Variants in ADGRG1 observed in about 807,000 individuals in gnomAD.
ADGRG1 encodes the protein 7-transmembrane protein with no EGF-like N-terminal domains-1.
In ADGRG1, 53 loss-of-function variants were observed where a neutral mutation model predicts 73.5. The observed-to-expected ratio is 0.72, with a 90% CI of 0.58 to 0.91. The LOEUF is 0.91. ADGRG1 is among the 40% of genes least tolerant of loss of function. ADGRG1 has a pLI of 0.00. For missense variants in ADGRG1, 795 were observed against 871.8 expected, an observed-to-expected ratio of 0.91 and a Z score of 1.11; for synonymous variants, 394 against 374.4, an observed-to-expected ratio of 1.05 and a Z score of -0.60.
intron 1 of ADGRG1, chr16:57,630,302 GGGTCCT>G: frequency 4.4e-6 from 4 of 905,318 alleles, no homozygotes; most frequent in Non-Finnish European, 5.3e-6. Flanking sequence ...GCCCAGGCAG[GGGTCCT>G]GTTGGGCTCT....
chr16:57,654,082 G>A lies in ADGRG1; in HGVS notation c.717G>A (p.Lys239=). The A allele has an allele frequency of 6.2e-7, 1 of 1,613,940 alleles. No homozygotes were observed. The highest frequency in any genetic ancestry group is 8.5e-7 in the Non-Finnish European group (1 of 1,180,036). ...ACCGGATCAACGCCACGGTGTGGAA[G>A]CTCCAGCCCACAGCCGGCCTCCAGG... ...EEDRINATVW[K]LQPTAGLQDL... The change falls in exon 5 of 14, where the codon AAG becomes AAA. Residue 239 remains lysine (K), a synonymous_variant. Coordinates refer to ENST00000562631, the MANE Select transcript of ADGRG1 (RefSeq NM_201525.4).
At position 57,659,617 on chromosome 16, in the gene ADGRG1, C is replaced by A. The variant is rs369114425; in HGVS notation, c.1491C>A (p.Leu497=). ...MGLEGYNLYR[L]VVEVFGTYVP... is the part of the protein sequence containing the mutation. ...TCGAGGGGTACAACCTCTACCGACT[C>A]GTGGTGGAGGTCTTTGGCACCTATG... The change falls in exon 11 of 14, where the codon CTC becomes CTA. Residue 497 remains leucine, a synonymous_variant. Transcript: ENST00000562631. 6.2e-7 allele frequency: 1 copy of A among 1,613,206 alleles called. No homozygotes were observed. The highest frequency in any genetic ancestry group is 8.5e-7 in the Non-Finnish European group (1 of 1,179,202).
chr16:57,653,534 C>T (rs2044674703), intron 4 of ADGRG1, 199 bp downstream of exon 4: 1 of 985,312 alleles, frequency 1.0e-6, no homozygotes, highest in Non-Finnish European at 1.2e-6. Flanking sequence ...CAGTAACCAA[C>T]ATCACATCCA....
At chr16:57,623,975 C>T, upstream of ADGRG1, 1 of 313,988 alleles carries the variant, frequency 3.2e-6, no homozygotes, top group South Asian at 1.3e-4. Context: ...TAAATGGGAA[C>T]AATCATCACT....
intron 1 of ADGRG1, chr16:57,635,340 A>G (rs1567688246): frequency 5.1e-6 from 5 of 985,134 alleles, no homozygotes; most frequent in Non-Finnish European, 4.8e-6. Context: ...GTGCACACCT[A>G]GGGGACCAGG....
In ADGRG1 at chr16:57,660,770, T is replaced by C. The variant is rs910312537; in HGVS notation, c.1558T>C (p.Phe520Leu). The stretch of plus-strand genomic sequence containing the variant: ...GCAACATGCATTGCCACCCTCAGGC[T>C]TCCCCATCTTTCTGGTGACGCTGGT... The part of the protein sequence containing the change: ...LLKLSAMGWG[F>L]PIFLVTLVAL... Residue 520 changes from phenylalanine (F) to leucine (L), a missense_variant and splice_region_variant, in exon 12 of 14, where the codon TTC becomes CTC. Coordinates refer to ENST00000562631, the MANE Select transcript of ADGRG1 (RefSeq NM_201525.4). 1 of 1,605,216 alleles carries C rather than the reference T, an allele frequency of 6.2e-7. No individual in the cohort carries two copies.
At chr16:57,632,602 G>C (rs1295213061) in intron 1 of ADGRG1, among the ~76,000 whole-genome samples, 1 of 152,164 alleles carries the variant, frequency 6.6e-6, no homozygotes, top group Non-Finnish European at 1.5e-5. Flanking sequence ...GGAGAGCTGC[G>C]GCCACCTGGA....
upstream of ADGRG1, among the ~76,000 whole-genome samples, chr16:57,623,349 A>C (rs1326747026): frequency 6.6e-6 from 1 of 152,232 alleles, no homozygotes; most frequent in Non-Finnish European, 1.5e-5. Flanking sequence ...TTTTGAAACC[A>C]GATGCAGGTT....
chr16:57,659,159 C>G (rs866713693), intron 10 of ADGRG1: 5 of 985,290 alleles, frequency 5.1e-6, no homozygotes. Flanking sequence ...TTGTCTTCCT[C>G]GCTCTGCCTG....
chr16:57,662,066 G>A, intron 13 of ADGRG1, 101 bp downstream of exon 13: 1 of 948,236 alleles, frequency 1.1e-6, no homozygotes, highest in African/African-American at 1.6e-5. Flanking sequence ...CCCTTCTCTG[G>A]GCCTCAGTCA....
intron 1 of ADGRG1, chr16:57,645,220 C>T (rs1245626615): frequency 5.1e-6 from 5 of 985,336 alleles, no homozygotes; most frequent in African/African-American, 1.7e-5. Context: ...GGAGCTAGGG[C>T]AGTGGAAGTT....
chr16:57,649,017 G>C (rs2043360017), intron 1 of ADGRG1, among the ~76,000 whole-genome samples: 1 of 152,224 alleles, frequency 6.6e-6, no homozygotes, highest in African/African-American at 2.4e-5. Context: ...GCAGATGCAG[G>C]GGTGGGATGG....
chr16:57,620,857 C>T (rs145354027), exon 1 of ADGRG1: 1 of 152,224 alleles, frequency 6.6e-6, no homozygotes, highest in Non-Finnish European at 1.5e-5. Flanking sequence ...AGGGAACTGT[C>T]GTGGAAGAAA....
intron 1 of ADGRG1, chr16:57,643,485 G>A (rs2041371438): frequency 2.6e-6 from 2 of 769,846 alleles, no homozygotes; most frequent in Non-Finnish European, 3.2e-6. Flanking sequence ...GTCTGGGCAG[G>A]CAGAGGGTGT....
Position 57,663,625 on chromosome 16 carries a change from C to CTCG in ADGRG1, c.*47_*49dup, listed in dbSNP as rs1567834882. 6.3e-7 allele frequency: 1 copy of CTCG among 1,599,748 alleles called. No individual in the cohort carries two copies. The highest frequency in any genetic ancestry group is 1.1e-5 in the South Asian group (1 of 90,932). ...CCATGTGATGAAGCAGAGATTCGGC[C>CTCG]TCGTCGCACACTGCCTGTGGCCCCC... On this transcript the variant is annotated 3_prime_UTR_variant, in exon 14 of 14. Coordinates refer to ENST00000562631, the MANE Select transcript of ADGRG1 (RefSeq NM_201525.4).
intron 1 of ADGRG1, chr16:57,647,752 T>C (rs1455301943): frequency 1.0e-6 from 1 of 979,128 alleles, no homozygotes; most frequent in African/African-American, 1.8e-5. Flanking sequence ...GGAGTAGTTG[T>C]TCAAACAGCT....
At chr16:57,646,514 G>A (rs573783005) in intron 1 of ADGRG1, 13 of 985,284 alleles carry the variant, frequency 1.3e-5, no homozygotes, top group African/African-American at 7.0e-5. Flanking sequence ...GGTCAAGGGC[G>A]GCTGCTCTGG....
At chr16:57,634,410 G>T in intron 1 of ADGRG1, 2 of 985,420 alleles carry the variant, frequency 2.0e-6, no homozygotes, top group Non-Finnish European at 2.4e-6. Flanking sequence ...ATCTGGGCAC[G>T]GGCCAAACAG....
At position 57,663,543 on chromosome 16, in the gene ADGRG1, C is replaced by A. The variant is rs370613196; in HGVS notation, c.2025C>A (p.Leu675=). The change falls in exon 14 of 14, where the codon CTC becomes CTA. Residue 675 remains leucine (L), a synonymous_variant. Coordinates refer to ENST00000562631, the MANE Select transcript of ADGRG1 (RefSeq NM_201525.4). ...AGAGCAACTCAGACAGCGCCAGGCT[C>A]CCCATCAGCTCGGGCAGCACCTCGT... ...PLKSNSDSAR[L]PISSGSTSSS... The A allele has an allele frequency of 3.7e-6, 6 of 1,613,790 alleles. No homozygotes were observed. Among genetic ancestry groups the A allele is most frequent in the Non-Finnish European group, 5.1e-6 (6 of 1,179,988 alleles).
Sources: gnomAD v4.1 joint callset for allele counts (sites outside exome capture counted in the v4.1 genomes callset) on GRCh38, gnomAD v4.1.1 for gene constraint, MANE v1.5 for transcripts, NCBI Gene and HGNC (gene_info 2026-07-23, HGNC 2026-07-21) for gene names.